Variants in TMEM215 observed in about 807,000 individuals in gnomAD.
TMEM215 encodes transmembrane protein 215.
TMEM215 carries 12 observed loss-of-function variants against 14.7 expected under a neutral mutation model. That is an observed-to-expected ratio of 0.82 (90% confidence interval 0.52 to 1.33). TMEM215 has a LOEUF of 1.33. Among genes scored for constraint, TMEM215 ranks in the 40% most tolerant of loss-of-function variants. TMEM215 has a pLI of 0.00. For missense variants in TMEM215, 276 were observed against 296.2 expected, an observed-to-expected ratio of 0.93 and a Z score of 0.50; for synonymous variants, 122 against 124.8, an observed-to-expected ratio of 0.98 and a Z score of 0.15.
At position 32,785,444 on chromosome 9, in the gene TMEM215, G is replaced by C. The variant is rs532919173; in HGVS notation, c.*553G>C. On this transcript the variant is annotated 3_prime_UTR_variant, in exon 2 of 2. Coordinates refer to ENST00000342743, the MANE Select transcript of TMEM215 (RefSeq NM_212558.3). ...TAGATGGGATGGTTTTTGGGAAAAGGGTAGTTAAAGAGAGTTGGATTATGT... is the reference window on the plus strand; with the variant it reads ...TAGATGGGATGGTTTTTGGGAAAAGCGTAGTTAAAGAGAGTTGGATTATGT... 4 of 167,698 alleles carry C rather than the reference G, an allele frequency of 2.4e-5. No individual in the cohort carries two copies. In the South Asian group the frequency reaches 6.2e-4, roughly 26 times the overall value. 10.4% of individuals were successfully genotyped at this position (167,698 alleles called of 1,614,324 possible).
rs974002176 is a variant in TMEM215 at position 32,787,919 on chromosome 9, T to G, written c.*3028T>G. On this transcript the variant is annotated 3_prime_UTR_variant, in exon 2 of 2. Coordinates refer to ENST00000342743, the MANE Select transcript of TMEM215 (RefSeq NM_212558.3). ...GTGCACATGGGTTGTTTTTCCAAAC[T>G]GCTTCTTGATTCTTAAGTGAGAATT... Among the ~76,000 whole-genome samples the G allele has an allele frequency of 6.6e-6, 1 of 152,172 alleles. No homozygotes were observed. The highest frequency in any genetic ancestry group is 6.5e-5 in the Admixed American group (1 of 15,284).
chr9:32,784,983 T>C lies in TMEM215; in HGVS notation c.*92T>C. The C allele has an allele frequency of 1.9e-6, 2 of 1,055,218 alleles. No homozygotes were observed. Among genetic ancestry groups the C allele is most frequent in the Non-Finnish European group, 2.8e-6 (2 of 711,532 alleles). 65.4% of individuals were successfully genotyped at this position (1,055,218 alleles called of 1,614,324 possible). A position where few individuals can be genotyped will look rare whatever the true frequency, so the allele number is the denominator to read the frequency against. ...TGCTCTGCTTGGAGAGCCTTCACAC[T>C]GTTAGAAATTGACCTGGTATGTGAT... is the stretch of plus-strand genomic sequence containing the variant. On this transcript the variant is annotated 3_prime_UTR_variant, in exon 2 of 2. Coordinates refer to ENST00000342743, the MANE Select transcript of TMEM215 (RefSeq NM_212558.3).
In TMEM215 at chr9:32,784,943, C is replaced by T; in HGVS notation, c.*52C>T. 1 of 1,467,240 alleles carries T rather than the reference C, an allele frequency of 6.8e-7. No homozygotes were observed. The highest frequency in any genetic ancestry group is 9.4e-7 in the Non-Finnish European group (1 of 1,066,320). The allele number at this position is 1,467,240 out of a possible 1,614,324, so 90.9% of individuals were successfully genotyped here. On this transcript the variant is annotated 3_prime_UTR_variant, in exon 2 of 2. Transcript: ENST00000342743. ...GATAGAATATGACTAAGCCCAGCTC[C>T]CCGTGGAAGCAAATTGCTCTGCTTG... is the stretch of plus-strand genomic sequence containing the variant.
rs1824538555 is a variant in TMEM215 at position 32,789,157 on chromosome 9, C to T, written c.*4266C>T. ...CTGAGGATGGAAATGGGGACAAATG[C>T]TTGGTTTGCCCAAATATCTTAATAA... On this transcript the variant is annotated 3_prime_UTR_variant, in exon 2 of 2. Coordinates refer to ENST00000342743, the MANE Select transcript of TMEM215 (RefSeq NM_212558.3). 6.6e-6 allele frequency among the ~76,000 whole-genome samples: 1 copy of T among 152,180 alleles called. No homozygotes were observed. Among genetic ancestry groups the T allele is most frequent in the Admixed American group, 6.5e-5 (1 of 15,268 alleles).
At position 32,784,757 on chromosome 9, in the gene TMEM215, C is replaced by T. The variant is rs751980542; in HGVS notation, c.574C>T (p.Pro192Ser). 1.4e-5 allele frequency: 22 copies of T among 1,613,890 alleles called. No homozygotes were observed. The highest frequency in any genetic ancestry group is 1.4e-5 in the Non-Finnish European group (16 of 1,180,038). ...SARDRSECPEPEDSIFFVPQD... is the reference protein window; with the variant it reads ...SARDRSECPESEDSIFFVPQD... The stretch of plus-strand genomic sequence containing the variant: ...AAGGGACAGATCTGAGTGCCCTGAG[C>T]CTGAGGATAGCATCTTCTTTGTGCC... The change falls in exon 2 of 2, where the codon CCT becomes TCT. Residue 192 changes from proline to serine, a missense_variant. By Grantham distance (74) the Pro-to-Ser change is moderately conservative (BLOSUM62 -1). Coordinates refer to ENST00000342743, the MANE Select transcript of TMEM215 (RefSeq NM_212558.3).
Position 32,784,415 on chromosome 9 carries a change from C to G in TMEM215, c.232C>G (p.Arg78Gly), listed in dbSNP as rs201917188. 2 of 1,614,162 alleles carry G rather than the reference C, an allele frequency of 1.2e-6. No individual in the cohort carries two copies. The highest frequency in any genetic ancestry group is 1.7e-6 in the Non-Finnish European group (2 of 1,180,010). Residue 78 changes from arginine to glycine, a missense_variant, in exon 2 of 2, where the codon CGC becomes GGC. Physicochemically the swap from Arg to Gly is moderately radical, Grantham distance 125. Transcript: ENST00000342743. The stretch of plus-strand genomic sequence containing the variant: ...GCCAGAGAACGAGCTGCTGTGGGTC[C>G]GCAAATTGCCCTGCTTCCGGAAACC... The part of the protein sequence containing the change: ...KWPENELLWV[R>G]KLPCFRKPKD...
rs1824499423 is a variant in TMEM215 at position 32,785,692 on chromosome 9, T to C, written c.*801T>C. Reference sequence around the variant, plus strand: ...TTACCAGGTGCAACATTATTTGAAATGATACTTTCATAGATTGGAATTTGT... The same window carrying C: ...TTACCAGGTGCAACATTATTTGAAACGATACTTTCATAGATTGGAATTTGT... On this transcript the variant is annotated 3_prime_UTR_variant, in exon 2 of 2. Coordinates refer to ENST00000342743, the MANE Select transcript of TMEM215 (RefSeq NM_212558.3). 1 of 166,680 alleles carries C rather than the reference T, an allele frequency of 6.0e-6. No homozygotes were observed. Among genetic ancestry groups the C allele is most frequent in the Non-Finnish European group, 1.5e-5 (1 of 68,128 alleles). The allele number at this position is 166,680 out of a possible 1,614,324, so 10.3% of individuals were successfully genotyped here.
chr9:32,786,367 T>C lies in TMEM215; in HGVS notation c.*1476T>C, dbSNP rs372198004. 1 of 167,018 alleles carries C rather than the reference T, an allele frequency of 6.0e-6. No individual in the cohort carries two copies. Among genetic ancestry groups the C allele is most frequent in the Non-Finnish European group, 1.5e-5 (1 of 68,068 alleles). 10.3% of individuals were successfully genotyped at this position (167,018 alleles called of 1,614,324 possible). A position where few individuals can be genotyped will look rare whatever the true frequency, so the allele number is the denominator to read the frequency against. ...CAACTCTGCAATTCTTTCTTAAGTA[T>C]AGCAATTGTTCTGTCTTAAGAATCA... is the stretch of plus-strand genomic sequence containing the variant. On this transcript the variant is annotated 3_prime_UTR_variant, in exon 2 of 2. Transcript: ENST00000342743.
chr9:32,784,085 T>C, intron 1 of TMEM215, 41 bp from the exon 2 acceptor site: 2 of 1,206,902 alleles, frequency 1.7e-6, no homozygotes, highest in Non-Finnish European at 2.3e-6. Flanking sequence ...GGAGCTTGAC[T>C]TGGATTTTTT....
chr9:32,783,840 TGAGAGAGAGA>T, intron 1 of TMEM215, 35 bp downstream of exon 1: 4 of 237,400 alleles, frequency 1.7e-5, no homozygotes, highest in South Asian at 1.9e-4. Context: ...CGTGTTGATA[TGAGAGAGAGA>T]CGGAGGTTGC....
Position 32,784,187 on chromosome 9 carries a change from C to T in TMEM215, c.4C>T (p.Arg2Trp), listed in dbSNP as rs765736341. ...CCCAACCTGGATGGAGTGAAACATGCGGCCTGATGACATTAACCCGAGGAC... is the reference window on the plus strand; with the variant it reads ...CCCAACCTGGATGGAGTGAAACATGTGGCCTGATGACATTAACCCGAGGAC... The part of the protein sequence containing the change: M[R>W]PDDINPRTGL... Residue 2 changes from arginine to tryptophan, a missense_variant, in exon 2 of 2, where the codon CGG becomes TGG. Physicochemically the swap from Arg to Trp is moderately radical, Grantham distance 101. Transcript: ENST00000342743. 3.1e-6 allele frequency: 5 copies of T among 1,609,758 alleles called. No homozygotes were observed. Among genetic ancestry groups the T allele is most frequent in the South Asian group, 1.1e-5 (1 of 90,356 alleles).
At position 32,784,171 on chromosome 9, in the gene TMEM215, G is replaced by A. The variant is rs1824473771; in HGVS notation, c.-13G>A. ...TGGTCAGCAAGCAGCCCCCAACCTG[G>A]ATGGAGTGAAACATGCGGCCTGATG... On this transcript the variant is annotated 5_prime_UTR_variant, in exon 2 of 2. Coordinates refer to ENST00000342743, the MANE Select transcript of TMEM215 (RefSeq NM_212558.3). 16 of 1,603,420 alleles carry A rather than the reference G, an allele frequency of 1.0e-5. No individual in the cohort carries two copies. In the East Asian group the frequency reaches 3.6e-4, roughly 36 times the overall value.
Position 32,787,584 on chromosome 9 carries a change from A to G in TMEM215, c.*2693A>G, listed in dbSNP as rs565615822. ...TCAAAAAATATATATACACAAAAAAAGGGGAAAAGCCACATTTTTTTGAAC... is the reference window on the plus strand; with the variant it reads ...TCAAAAAATATATATACACAAAAAAGGGGGAAAAGCCACATTTTTTTGAAC... On this transcript the variant is annotated 3_prime_UTR_variant, in exon 2 of 2. Coordinates refer to ENST00000342743, the MANE Select transcript of TMEM215 (RefSeq NM_212558.3). 6.6e-6 allele frequency among the ~76,000 whole-genome samples: 1 copy of G among 152,254 alleles called. No homozygotes were observed. The highest frequency in any genetic ancestry group is 2.4e-5 in the African/African-American group (1 of 41,568).
At position 32,787,881 on chromosome 9, in the gene TMEM215, A is replaced by T. The variant is rs573273925; in HGVS notation, c.*2990A>T. On this transcript the variant is annotated 3_prime_UTR_variant, in exon 2 of 2. Coordinates refer to ENST00000342743, the MANE Select transcript of TMEM215 (RefSeq NM_212558.3). The stretch of plus-strand genomic sequence containing the variant: ...TTCTACTGAATTTCTCTTGCTCTGT[A>T]TGCCTACTTATTGTGCACATGGGTT... Among the ~76,000 whole-genome samples, 51 of 152,228 alleles carry T rather than the reference A, an allele frequency of 3.4e-4. No individual in the cohort carries two copies. Among genetic ancestry groups the T allele is most frequent in the African/African-American group, 1.1e-3 (46 of 41,572 alleles).
At position 32,785,967 on chromosome 9, in the gene TMEM215, A is replaced by C. The variant is rs1563868192; in HGVS notation, c.*1076A>C. 6.0e-6 allele frequency: 1 copy of C among 166,944 alleles called. No homozygotes were observed. Among genetic ancestry groups the C allele is most frequent in the Non-Finnish European group, 1.5e-5 (1 of 68,086 alleles). 10.3% of individuals were successfully genotyped at this position (166,944 alleles called of 1,614,324 possible). A position where few individuals can be genotyped will look rare whatever the true frequency, so the allele number is the denominator to read the frequency against. On this transcript the variant is annotated 3_prime_UTR_variant, in exon 2 of 2. Transcript: ENST00000342743. The stretch of plus-strand genomic sequence containing the variant: ...CAGTGAAACAAGAACTCATCTACTA[A>C]ATTTAACTGAAGCCTAGATTTTATT...
chr9:32,784,951 A>C lies in TMEM215; in HGVS notation c.*60A>C. 2 of 1,419,004 alleles carry C rather than the reference A, an allele frequency of 1.4e-6. No individual in the cohort carries two copies. Among genetic ancestry groups the C allele is most frequent in the Non-Finnish European group, 2.0e-6 (2 of 1,023,844 alleles). 87.9% of individuals were successfully genotyped at this position (1,419,004 alleles called of 1,614,324 possible). On this transcript the variant is annotated 3_prime_UTR_variant, in exon 2 of 2. Transcript: ENST00000342743. The stretch of plus-strand genomic sequence containing the variant: ...ATGACTAAGCCCAGCTCCCCGTGGA[A>C]GCAAATTGCTCTGCTTGGAGAGCCT...
rs201917188 is a variant in TMEM215, at chr9:32,784,415, C to T, written c.232C>T (p.Arg78Cys). 6 of 1,614,162 alleles carry T rather than the reference C, an allele frequency of 3.7e-6. No individual in the cohort carries two copies. The African/African-American group carries it at 4.0e-5, about 11-fold the overall frequency. The change falls in exon 2 of 2, where the codon CGC (arginine) becomes TGC (cysteine). Residue 78 changes from arginine to cysteine, a missense_variant. By Grantham distance (180) the Arg-to-Cys change is radical (BLOSUM62 -3). Coordinates refer to ENST00000342743, the MANE Select transcript of TMEM215 (RefSeq NM_212558.3). ...GCCAGAGAACGAGCTGCTGTGGGTC[C>T]GCAAATTGCCCTGCTTCCGGAAACC... ...KWPENELLWV[R>C]KLPCFRKPKD...
rs942864808 is a variant in TMEM215 at position 32,784,266 on chromosome 9, C to T, written c.83C>T (p.Thr28Ile). The T allele has an allele frequency of 2.1e-5, 34 of 1,614,072 alleles. No individual in the cohort carries two copies. Among genetic ancestry groups the T allele is most frequent in the Non-Finnish European group, 2.8e-5 (33 of 1,180,044 alleles). Residue 28 changes from threonine (T) to isoleucine (I), a missense_variant, in exon 2 of 2, where the codon ACC becomes ATC. Physicochemically the swap from Thr to Ile is moderately conservative, Grantham distance 89. Transcript: ENST00000342743. The stretch of plus-strand genomic sequence containing the variant: ...TTCCTCGTCTTTGGTTTCATGTTCA[C>T]CGTCTCTGGGATGAAAGGGGAGACT... ...SVFLVFGFMF[T>I]VSGMKGETLG... is the part of the protein sequence containing the mutation.
rs550882884 is a variant in TMEM215 at position 32,788,532 on chromosome 9, G to T, written c.*3641G>T. On this transcript the variant is annotated 3_prime_UTR_variant, in exon 2 of 2. Coordinates refer to ENST00000342743, the MANE Select transcript of TMEM215 (RefSeq NM_212558.3). ...ATAATTTATCATGCCATTCCTTATTGCTGGCAAGATACTAAGTTTTATGGA... is the reference window on the plus strand; with the variant it reads ...ATAATTTATCATGCCATTCCTTATTTCTGGCAAGATACTAAGTTTTATGGA... Among the ~76,000 whole-genome samples, 3 of 152,192 alleles carry T rather than the reference G, an allele frequency of 2.0e-5. No homozygotes were observed. The South Asian group carries it at 6.2e-4, about 32-fold the overall frequency.
Sources: allele counts gnomAD v4.1 joint callset (sites outside exome capture counted in the v4.1 genomes callset), GRCh38; gene constraint gnomAD v4.1.1; transcripts MANE v1.5; gene names NCBI Gene and HGNC (gene_info 2026-07-23, HGNC 2026-07-21).